The following RIMBP2 variants were observed in gnomAD, a reference collection of about 807,000 sequenced individuals.
The protein encoded by RIMBP2 is RIMS binding protein 2, also known as RIMS-binding protein 2.
In RIMBP2, 48 loss-of-function variants were observed where a neutral mutation model predicts 118.6. That is an observed-to-expected ratio of 0.40 (90% confidence interval 0.32 to 0.51). RIMBP2 has a LOEUF of 0.51. Among genes scored for constraint, RIMBP2 ranks in the 20% least tolerant of loss-of-function variants. RIMBP2 has a pLI of 0.41. For missense variants in RIMBP2, 1,551 were observed against 1,768.3 expected (o/e 0.88, Z 2.20); for synonymous variants, 762 against 742.9 (o/e 1.03, Z -0.42).
chr12:130,596,256 T>C (rs2059554519), intron 2 of RIMBP2, among the ~76,000 whole-genome samples: 1 of 152,052 alleles, frequency 6.6e-6, no homozygotes, highest in African/African-American at 2.4e-5. Context: ...AAGCCATGGG[T>C]GATAATGCCG....
intron 9 of RIMBP2, among the ~76,000 whole-genome samples, chr12:130,449,321 G>A (rs1167761065): frequency 6.6e-6 from 1 of 152,374 alleles, no homozygotes; most frequent in South Asian, 2.1e-4. Flanking sequence ...GTGCAGTCCT[G>A]GGGGACCTCT....
chr12:130,458,895 T>A lies in RIMBP2; in HGVS notation c.154-2195A>T, dbSNP rs183291307. 2.6e-3 allele frequency among the ~76,000 whole-genome samples: 389 copies of A among 151,720 alleles called. 1 individual carries two copies. Among genetic ancestry groups the A allele is most frequent in the Middle Eastern group, 6.8e-3 (2 of 292 alleles). ...CTCAGTCTCTACTAAAAATACAAAA[T>A]TAGCCGGGCAGGGAGACACGCGCCT... On this transcript the variant is annotated intron_variant, in intron 6 of 22. Transcript: ENST00000690449.
At chr12:130,537,067 A>G (rs1167654244) in intron 2 of RIMBP2, among the ~76,000 whole-genome samples, 1 of 152,204 alleles carries the variant, frequency 6.6e-6, no homozygotes, top group Non-Finnish European at 1.5e-5. Flanking sequence ...CACAAATCTT[A>G]GTAAGAAAAC....
At position 130,600,393 on chromosome 12, in the gene RIMBP2, C is replaced by T. The variant is rs561051517; in HGVS notation, c.-217+27929G>A. 3.9e-5 allele frequency among the ~76,000 whole-genome samples: 6 copies of T among 152,260 alleles called. No homozygotes were observed. In the South Asian group the frequency reaches 1.0e-3, roughly 26 times the overall value. On this transcript the variant is annotated intron_variant, in intron 2 of 22. Transcript: ENST00000690449. Reference sequence around the variant, plus strand: ...GCCCCAAGATAACCTCCCCTCCTGCCGGAAGGATGTCAGCCCCAACAGAAC... The same window carrying T: ...GCCCCAAGATAACCTCCCCTCCTGCTGGAAGGATGTCAGCCCCAACAGAAC...
At position 130,407,729 on chromosome 12, in the gene RIMBP2, G is replaced by T; in HGVS notation, c.3690C>A (p.Val1230=). 3 of 1,612,916 alleles carry T rather than the reference G, an allele frequency of 1.9e-6. No individual in the cohort carries two copies. The highest frequency in any genetic ancestry group is 2.2e-5 in the South Asian group (2 of 91,022). ...DPRESSPNVD[V]EAELTFCTGD... ...AAGTGCAGTGTTTGGCTGGTACCTCGACATCGACGTTGGGCGAGCTTTCTC... is the reference window on the plus strand; with the variant it reads ...AAGTGCAGTGTTTGGCTGGTACCTCTACATCGACGTTGGGCGAGCTTTCTC... Residue 1230 remains valine (V), a synonymous_variant, in exon 20 of 23, where the codon GTC becomes GTA. Transcript: ENST00000690449.
At chr12:130,477,473 A>G (rs560069900) in intron 5 of RIMBP2, among the ~76,000 whole-genome samples, 2 of 152,312 alleles carry the variant, frequency 1.3e-5, no homozygotes, top group East Asian at 1.9e-4. Context: ...GCAGGAGAAC[A>G]TAAGAGTAAT....
intron 21 of RIMBP2, among the ~76,000 whole-genome samples, chr12:130,401,454 T>A (rs1331666605): frequency 6.6e-6 from 1 of 151,952 alleles, no homozygotes; most frequent in African/African-American, 2.4e-5. Flanking sequence ...TCACAAAAAT[T>A]AATTGGAAGA....
Position 130,683,638 on chromosome 12 carries a change from T to G in RIMBP2, c.-352+32584A>C, listed in dbSNP as rs2064905396. On this transcript the variant is annotated intron_variant, in intron 1 of 22. Transcript: ENST00000690449. This position sits in a 1 kb window ranked among gnomAD's most constrained non-coding sequence, Gnocchi z 4.4. ...ATAAAGACCTTGCGGATAAAACAGTTGCAGTAAACAAGCCGGCCAAATCCC... is the reference window on the plus strand; with the variant it reads ...ATAAAGACCTTGCGGATAAAACAGTGGCAGTAAACAAGCCGGCCAAATCCC... 3.3e-5 allele frequency among the ~76,000 whole-genome samples: 5 copies of G among 152,144 alleles called. No individual in the cohort carries two copies.
intron 2 of RIMBP2, among the ~76,000 whole-genome samples, chr12:130,624,210 T>C (rs2061488894): frequency 6.6e-6 from 1 of 152,242 alleles, no homozygotes; most frequent in South Asian, 2.1e-4. Context: ...CAGAAAAATA[T>C]AGTTTTCTTT....
chr12:130,499,800 A>T (rs2049563324), intron 4 of RIMBP2, among the ~76,000 whole-genome samples: 1 of 152,202 alleles, frequency 6.6e-6, no homozygotes, highest in Non-Finnish European at 1.5e-5. Flanking sequence ...CCTGACCTGC[A>T]CATTAATTTA....
intron 2 of RIMBP2, among the ~76,000 whole-genome samples, chr12:130,556,819 G>A (rs1566257207): frequency 6.6e-6 from 1 of 152,150 alleles, no homozygotes; most frequent in South Asian, 2.1e-4. Context: ...GCAGGAAGGG[G>A]GTCAGGATGA....
Position 130,428,194 on chromosome 12 carries a change from G to C in RIMBP2, c.2397C>G (p.Ser799=). Residue 799 remains serine (S), a synonymous_variant, in exon 15 of 23, where the codon TCC becomes TCG. Coordinates refer to ENST00000690449, the MANE Select transcript of RIMBP2 (RefSeq NM_001393629.1). The part of the protein sequence containing the change: ...DGGRRRPSGT[S]HNALKDCTDH... Reference sequence around the variant, plus strand: ...AGCCACTCACCTTGAGGGCATTGTGGGACGTGCCGCTGGGCCGCCTCCTTC... The same window carrying C: ...AGCCACTCACCTTGAGGGCATTGTGCGACGTGCCGCTGGGCCGCCTCCTTC... 1.9e-6 allele frequency: 3 copies of C among 1,610,758 alleles called. No individual in the cohort carries two copies. Among genetic ancestry groups the C allele is most frequent in the Non-Finnish European group, 2.5e-6 (3 of 1,178,540 alleles).
intron 9 of RIMBP2, 54 bp from the exon 10 acceptor site, chr12:130,445,323 C>T: frequency 3.0e-6 from 4 of 1,317,270 alleles, no homozygotes; most frequent in Non-Finnish European, 4.3e-6. Context: ...ACAGCCCGCA[C>T]CCCTGTCCGT....
intron 1 of RIMBP2, among the ~76,000 whole-genome samples, chr12:130,647,311 T>G (rs1478331937): frequency 6.6e-6 from 1 of 152,024 alleles, no homozygotes; most frequent in Non-Finnish European, 1.5e-5. Context: ...TGCAGTGAGC[T>G]GAGATCGCAC....
At chr12:130,618,171 A>ATATT (rs2061072970) in intron 2 of RIMBP2, among the ~76,000 whole-genome samples, 1 of 152,170 alleles carries the variant, frequency 6.6e-6, no homozygotes, top group East Asian at 1.9e-4. Context: ...CTATGCGTCA[A>ATATT]TGCCAGGCCT....
chr12:130,650,161 AC>A (rs2063170431), intron 1 of RIMBP2, among the ~76,000 whole-genome samples: 1 of 152,030 alleles, frequency 6.6e-6, no homozygotes, highest in African/African-American at 2.4e-5. Context: ...TGCCCCCAGC[AC>A]CAAGGGGGCT....
Position 130,420,155 on chromosome 12 carries a change from T to C in RIMBP2, c.3238+2298A>G, listed in dbSNP as rs1193944400. Reference sequence around the variant, plus strand: ...TCTGTTCAGCTGTCACTGATGTTCATTTCCCAAAGCTCTTTGCCGAGTCCT... The same window carrying C: ...TCTGTTCAGCTGTCACTGATGTTCACTTCCCAAAGCTCTTTGCCGAGTCCT... On this transcript the variant is annotated intron_variant, in intron 17 of 22. Transcript: ENST00000690449. This position sits in a 1 kb window ranked among gnomAD's most constrained non-coding sequence, Gnocchi z 4.3. Among the ~76,000 whole-genome samples, 1 of 152,220 alleles carries C rather than the reference T, an allele frequency of 6.6e-6. No individual in the cohort carries two copies. The highest frequency in any genetic ancestry group is 2.4e-5 in the African/African-American group (1 of 41,456).
At chr12:130,462,970 C>T (rs2080138741) in intron 6 of RIMBP2, among the ~76,000 whole-genome samples, 1 of 152,254 alleles carries the variant, frequency 6.6e-6, no homozygotes, top group African/African-American at 2.4e-5. Flanking sequence ...CGCCCACATC[C>T]AGCTTGTTTG....
intron 1 of RIMBP2, among the ~76,000 whole-genome samples, chr12:130,635,226 C>A (rs58498983): frequency 6.6e-6 from 1 of 152,192 alleles, no homozygotes; most frequent in African/African-American, 2.4e-5. Context: ...TGTAGAAAAA[C>A]CACAAGCCAG....
Sources: gnomAD v4.1 joint callset for allele counts (sites outside exome capture counted in the v4.1 genomes callset) on GRCh38, gnomAD v4.1.1 for gene constraint, Gnocchi (gnomAD v3.1) non-coding constraint, MANE v1.5 for transcripts, NCBI Gene and HGNC (gene_info 2026-07-23, HGNC 2026-07-21) for gene names.